The following PTPRD variants were observed in gnomAD, a reference collection of about 807,000 sequenced individuals.
PTPRD encodes the protein receptor-type tyrosine-protein phosphatase delta.
PTPRD carries 34 observed loss-of-function variants against 214.5 expected under a neutral mutation model. The observed-to-expected ratio is 0.16, with a 90% CI of 0.12 to 0.21. The LOEUF is 0.21. PTPRD is among the 10% of genes least tolerant of loss of function. The pLI is 1.00. For missense variants in PTPRD, 2,545 were observed against 2,398.7 expected (o/e 1.06, Z -1.27); for synonymous variants, 1,128 against 845.7 (o/e 1.33, Z -5.79).
chr9:8,655,699 A>G (rs968142891), intron 12 of PTPRD, among the ~76,000 whole-genome samples: 1 of 151,376 alleles, frequency 6.6e-6, no homozygotes, highest in African/African-American at 2.4e-5. Flanking sequence ...TCTATTTTTT[A>G]TATTCCCTAG....
intron 2 of PTPRD, among the ~76,000 whole-genome samples, chr9:10,568,147 T>TG (rs2066255970): frequency 7.6e-6 from 1 of 130,866 alleles, no homozygotes; most frequent in Non-Finnish European, 1.6e-5. Context: ...CCCCAGTGTG[T>TG]GATGTTCCCC....
chr9:9,304,969 T>G lies in PTPRD; in HGVS notation c.-203+92480A>C, dbSNP rs563297834. ...CTGCACAGGATGGGAGTCTGTAATC[T>G]AGTTGCCGAACTGTGCTTTAAACAG... On this transcript the variant is annotated intron_variant, in intron 9 of 45. Coordinates refer to ENST00000381196, the MANE Select transcript of PTPRD (RefSeq NM_002839.4). 1.5e-4 allele frequency among the ~76,000 whole-genome samples: 22 copies of G among 147,148 alleles called. No homozygotes were observed. The South Asian group carries it at 3.9e-3, about 26-fold the overall frequency.
intron 44 of PTPRD, among the ~76,000 whole-genome samples, 155 bp downstream of exon 44, chr9:8,331,427 T>TTTATG (rs1326607562): frequency 6.8e-6 from 1 of 146,482 alleles, no homozygotes; most frequent in Non-Finnish European, 1.5e-5. Context: ...TTATTTTCAC[T>TTTATG]TTATGAAAAG....
chr9:10,092,900 T>A (rs2098446588), intron 3 of PTPRD, among the ~76,000 whole-genome samples: 1 of 151,624 alleles, frequency 6.6e-6, no homozygotes, highest in African/African-American at 2.4e-5. Context: ...GCCCGCCATA[T>A]ACAGACGAAT....
At chr9:9,185,688 T>A (rs1433767219) in intron 9 of PTPRD, among the ~76,000 whole-genome samples, 1 of 152,056 alleles carries the variant, frequency 6.6e-6, no homozygotes, top group Non-Finnish European at 1.5e-5. Context: ...ATTACTCATT[T>A]AGATGATTGC....
chr9:10,353,537 A>T (rs571185471), intron 2 of PTPRD, among the ~76,000 whole-genome samples: 37 of 152,056 alleles, frequency 2.4e-4, no homozygotes, highest in African/African-American at 8.7e-4. Context: ...ATGGGAGAAG[A>T]GAGGATTTGG....
At chr9:9,912,656 G>C (rs1231130061) in intron 5 of PTPRD, among the ~76,000 whole-genome samples, 1 of 152,198 alleles carries the variant, frequency 6.6e-6, no homozygotes, top group Non-Finnish European at 1.5e-5. Context: ...TGGTGGCAGA[G>C]AGAAATGAAT....
chr9:8,468,998 T>C (rs1218258265), intron 31 of PTPRD, among the ~76,000 whole-genome samples: 1 of 152,006 alleles, frequency 6.6e-6, no homozygotes, highest in Non-Finnish European at 1.5e-5. Context: ...ATCTTATTTC[T>C]TCCACCATTA....
At chr9:8,464,721 T>TA (rs1393048926) in intron 32 of PTPRD, among the ~76,000 whole-genome samples, 2 of 151,522 alleles carry the variant, frequency 1.3e-5, no homozygotes, top group Non-Finnish European at 2.9e-5. Flanking sequence ...TCCCCTTTTT[T>TA]TTTTTAAACA....
At chr9:10,249,434 A>G (rs897878767) in intron 3 of PTPRD, among the ~76,000 whole-genome samples, 3 of 152,248 alleles carry the variant, frequency 2.0e-5, no homozygotes, top group African/African-American at 7.2e-5. Context: ...ACCCGGTAAT[A>G]GCCAAGATCG....
intron 9 of PTPRD, among the ~76,000 whole-genome samples, chr9:9,328,537 A>C (rs1160664214): frequency 3.4e-5 from 5 of 148,430 alleles, no homozygotes; most frequent in Non-Finnish European, 7.4e-5. Context: ...ATATGTGTTT[A>C]TATTGAAATC....
At chr9:8,371,980 A>G (rs2081678696) in intron 39 of PTPRD, among the ~76,000 whole-genome samples, 1 of 152,042 alleles carries the variant, frequency 6.6e-6, no homozygotes, top group African/African-American at 2.4e-5. Flanking sequence ...TTCACACCTC[A>G]TCTTGAAGGC....
intron 14 of PTPRD, among the ~76,000 whole-genome samples, chr9:8,592,571 G>T (rs1243969743): frequency 6.6e-6 from 1 of 152,134 alleles, no homozygotes; most frequent in African/African-American, 2.4e-5. Flanking sequence ...TTGAGATACT[G>T]ACTGTCCTGA....
At chr9:9,423,538 C>T (rs909226417) in intron 8 of PTPRD, among the ~76,000 whole-genome samples, 3 of 151,982 alleles carry the variant, frequency 2.0e-5, no homozygotes, top group African/African-American at 4.8e-5. Flanking sequence ...ACCAGGCATA[C>T]AAAAAATGCC....
At chr9:8,776,889 A>G (rs1323590086) in intron 11 of PTPRD, among the ~76,000 whole-genome samples, 1 of 146,966 alleles carries the variant, frequency 6.8e-6, no homozygotes, top group Non-Finnish European at 1.5e-5. Context: ...GTATATGAAT[A>G]TTATATAATA....
At position 9,384,585 on chromosome 9, in the gene PTPRD, C is replaced by T. The variant is rs10977702; in HGVS notation, c.-203+12864G>A. ...GTAACAACTTTTCTAATTAAGCCAA[C>T]TCCTAAAAAATAAATAAGGAGATTC... On this transcript the variant is annotated intron_variant, in intron 9 of 45. Coordinates refer to ENST00000381196, the MANE Select transcript of PTPRD (RefSeq NM_002839.4). Among the ~76,000 whole-genome samples the T allele has an allele frequency of 3.3e-5, 5 of 151,572 alleles. No individual in the cohort carries two copies. In the East Asian group the frequency reaches 9.7e-4, roughly 29 times the overall value.
intron 37 of PTPRD, among the ~76,000 whole-genome samples, chr9:8,387,307 G>A (rs888095459): frequency 2.6e-5 from 4 of 152,138 alleles, no homozygotes; most frequent in Non-Finnish European, 5.9e-5. Flanking sequence ...AATGCCTTCC[G>A]CCAAGAACTG....
intron 8 of PTPRD, among the ~76,000 whole-genome samples, chr9:9,571,745 C>G (rs1281756654): frequency 6.6e-6 from 1 of 150,630 alleles, no homozygotes; most frequent in East Asian, 1.9e-4. Flanking sequence ...TAACAAAATA[C>G]TACATATTGC....
At chr9:10,398,433 TATAACCC>T (rs777733441) in intron 2 of PTPRD, among the ~76,000 whole-genome samples, 22 of 152,008 alleles carry the variant, frequency 1.4e-4, no homozygotes, top group Non-Finnish European at 2.8e-4. Flanking sequence ...ATTCTTTTAC[TATAACCC>T]ATAACCCATA....
Sources: allele counts gnomAD v4.1 joint callset (sites outside exome capture counted in the v4.1 genomes callset), GRCh38; gene constraint gnomAD v4.1.1; transcripts MANE v1.5; gene names NCBI Gene and HGNC (gene_info 2026-07-23, HGNC 2026-07-21).